Variants in DCP1A observed in about 807,000 individuals in gnomAD.
DCP1A encodes mRNA-decapping enzyme 1A.
A neutral mutation model predicts 58.0 loss-of-function variants in DCP1A; 20 were observed. That is an observed-to-expected ratio of 0.34 (90% CI 0.24 to 0.50). The LOEUF is 0.50. Ranked by LOEUF, DCP1A falls within the 20% of genes least tolerant of loss-of-function variation. The pLI is 0.98. For missense variants in DCP1A, 613 were observed against 712.2 expected (o/e 0.86, Z 1.59); for synonymous variants, 285 against 275.1 (o/e 1.04, Z -0.36).
intron 3 of DCP1A, among the ~76,000 whole-genome samples, chr3:53,321,528 T>C (rs1350979596): frequency 6.6e-6 from 1 of 152,190 alleles, no homozygotes; most frequent in Admixed American, 6.5e-5. Context: ...GAGACCAGCC[T>C]GGCCAACATG....
chr3:53,293,624 C>G (rs1295551391), intron 6 of DCP1A, among the ~76,000 whole-genome samples: 1 of 151,970 alleles, frequency 6.6e-6, no homozygotes, highest in Non-Finnish European at 1.5e-5. Context: ...ACTTTTTATT[C>G]CTAAAATGAG....
chr3:53,319,259 G>T, intron 4 of DCP1A, 148 bp downstream of exon 4: 1 of 537,666 alleles, frequency 1.9e-6, no homozygotes, highest in Non-Finnish European at 3.4e-6. Context: ...ATATTTTAAA[G>T]CTTTTCAGCC....
rs782438313 is a variant in DCP1A at position 53,290,792 on chromosome 3, G to A, written c.1448C>T (p.Pro483Leu). The A allele has an allele frequency of 2.3e-4, 347 of 1,528,468 alleles. 2 individuals carry two copies. The highest frequency in any genetic ancestry group is 3.0e-4 in the Non-Finnish European group (337 of 1,116,140). The allele number at this position is 1,528,468 out of a possible 1,614,324, so 94.7% of individuals were successfully genotyped here. ...AAAAAAAAAAAAGCGAGTCCTTACC[G>A]GGATGGCACTGGATAACACCTTAGG... ...VQPKVLSSAI[P>L]VAGAPLVTAT... Residue 483 changes from proline to leucine, a missense_variant and splice_region_variant, in exon 8 of 10, where the codon CCG (proline) becomes CTG (leucine). Pro to Leu is a moderately conservative substitution (Grantham distance 98). Coordinates refer to ENST00000610213, the MANE Select transcript of DCP1A (RefSeq NM_018403.7).
In DCP1A at chr3:53,284,480, C is replaced by T. The variant is rs887337303; in HGVS notation, c.*3100G>A. 6.8e-6 allele frequency: 1 copy of T among 146,890 alleles called. No individual in the cohort carries two copies. Among genetic ancestry groups the T allele is most frequent in the Non-Finnish European group, 1.5e-5 (1 of 67,028 alleles). 9.1% of individuals were successfully genotyped at this position (146,890 alleles called of 1,614,324 possible). A position where few individuals can be genotyped will look rare whatever the true frequency, so the allele number is the denominator to read the frequency against. ...CATGCAAAATCTGGTTAGACATATACTAAACTAAGCCTGTGTGTCCCCCTG... is the reference window on the plus strand; with the variant it reads ...CATGCAAAATCTGGTTAGACATATATTAAACTAAGCCTGTGTGTCCCCCTG... On this transcript the variant is annotated 3_prime_UTR_variant, in exon 10 of 10. Coordinates refer to ENST00000610213, the MANE Select transcript of DCP1A (RefSeq NM_018403.7).
At position 53,283,712 on chromosome 3, in the gene DCP1A, C is replaced by T. The variant is rs1161989416; in HGVS notation, c.*3868G>A. The T allele has an allele frequency of 6.6e-6, 1 of 152,096 alleles. No homozygotes were observed. The highest frequency in any genetic ancestry group is 2.4e-5 in the African/African-American group (1 of 41,410). The allele number at this position is 152,096 out of a possible 1,614,324, so 9.4% of individuals were successfully genotyped here. On this transcript the variant is annotated 3_prime_UTR_variant, in exon 10 of 10. Coordinates refer to ENST00000610213, the MANE Select transcript of DCP1A (RefSeq NM_018403.7). ...GAGCCACATGGCCAAAGCAGTAATA[C>T]AGAATAAAAAACCATTTAGAACACA...
chr3:53,331,148 C>T lies in DCP1A; in HGVS notation c.304+10996G>A, dbSNP rs374051561. On this transcript the variant is annotated intron_variant, in intron 3 of 9. Transcript: ENST00000610213. Reference sequence around the variant, plus strand: ...CTGGGATTATAGGCATGAGTCACTGCGCCTGGCCCAAAATGCAATATTGAA... The same window carrying T: ...CTGGGATTATAGGCATGAGTCACTGTGCCTGGCCCAAAATGCAATATTGAA... Among the ~76,000 whole-genome samples, 31 of 152,228 alleles carry T rather than the reference C, an allele frequency of 2.0e-4. 1 individual carries two copies. The highest frequency in any genetic ancestry group is 7.2e-4 in the African/African-American group (30 of 41,534).
intron 1 of DCP1A, 128 bp downstream of exon 1, chr3:53,347,255 C>T: frequency 8.2e-7 from 1 of 1,220,416 alleles, no homozygotes; most frequent in Non-Finnish European, 1.1e-6. Context: ...AGGCTCTTGG[C>T]CAGACCCTGG....
intron 3 of DCP1A, among the ~76,000 whole-genome samples, chr3:53,340,640 C>T (rs2089188617): frequency 6.6e-6 from 1 of 150,662 alleles, no homozygotes; most frequent in Non-Finnish European, 1.5e-5. Context: ...CAACATTTCT[C>T]CAACTATATC....
At chr3:53,322,822 T>TC (rs1229082892) in intron 3 of DCP1A, among the ~76,000 whole-genome samples, 1 of 151,206 alleles carries the variant, frequency 6.6e-6, no homozygotes, top group East Asian at 1.9e-4. Flanking sequence ...GCTTTTTTTT[T>TC]TTTTTTTGAG....
At chr3:53,295,474 GA>G (rs112694751) in intron 6 of DCP1A, among the ~76,000 whole-genome samples, 25,192 of 152,072 alleles carry the variant, frequency 0.17, 2,566 homozygotes, top group Middle Eastern at 0.29. Flanking sequence ...TTTTACTTCT[GA>G]AAAAAACTGT....
rs1224196239 is a variant in DCP1A, at chr3:53,286,535, A to T, written c.*1045T>A. On this transcript the variant is annotated 3_prime_UTR_variant, in exon 10 of 10. Coordinates refer to ENST00000610213, the MANE Select transcript of DCP1A (RefSeq NM_018403.7). ...CACACTTTGGGCCGGGAAAGTACTC[A>T]CAGCCTAGGAATACATTGGTAGAGT... 6.6e-6 allele frequency: 1 copy of T among 152,244 alleles called. No individual in the cohort carries two copies. Among genetic ancestry groups the T allele is most frequent in the East Asian group, 1.9e-4 (1 of 5,200 alleles). The allele number at this position is 152,244 out of a possible 1,614,324, so 9.4% of individuals were successfully genotyped here. A position where few individuals can be genotyped will look rare whatever the true frequency, so the allele number is the denominator to read the frequency against.
intron 6 of DCP1A, among the ~76,000 whole-genome samples, chr3:53,301,949 C>A (rs1308338651): frequency 1.3e-5 from 2 of 151,958 alleles, no homozygotes; most frequent in South Asian, 2.1e-4. Context: ...TAAACGATGG[C>A]GGGATCGGGG....
chr3:53,292,497 T>C lies in DCP1A; in HGVS notation c.955A>G (p.Ser319Gly), dbSNP rs782544282. ...TYTIPLSPVLSPTLPAEAPTA... is the reference protein window; with the variant it reads ...TYTIPLSPVLGPTLPAEAPTA... ...GGAGCTTCAGCTGGCAGAGTGGGAC[T>C]GAGAACAGGGCTCAACGGGATTGTG... The change falls in exon 7 of 10, where the codon AGT becomes GGT. Residue 319 changes from serine to glycine, a missense_variant. By Grantham distance (56) the Ser-to-Gly change is moderately conservative. Coordinates refer to ENST00000610213, the MANE Select transcript of DCP1A (RefSeq NM_018403.7). 6.2e-7 allele frequency: 1 copy of C among 1,614,006 alleles called. No individual in the cohort carries two copies. The highest frequency in any genetic ancestry group is 1.1e-5 in the South Asian group (1 of 91,084).
chr3:53,294,583 T>C (rs1340640412), intron 6 of DCP1A, among the ~76,000 whole-genome samples: 3 of 152,194 alleles, frequency 2.0e-5, no homozygotes, highest in Non-Finnish European at 2.9e-5. Context: ...AAGATGGTAA[T>C]ACAAGTCAAG....
chr3:53,341,333 T>C (rs1231991822), intron 3 of DCP1A, among the ~76,000 whole-genome samples: 1 of 151,992 alleles, frequency 6.6e-6, no homozygotes, highest in Non-Finnish European at 1.5e-5. Context: ...CGGGTGCCTG[T>C]AGTCCCAGCT....
intron 5 of DCP1A, among the ~76,000 whole-genome samples, chr3:53,309,866 A>C (rs1289727090): frequency 1.3e-5 from 2 of 152,250 alleles, no homozygotes; most frequent in Admixed American, 6.5e-5. Flanking sequence ...ATCAGGATTA[A>C]ATCCCAACAC....
chr3:53,293,434 C>T (rs1158395754), intron 6 of DCP1A, among the ~76,000 whole-genome samples: 1 of 152,054 alleles, frequency 6.6e-6, no homozygotes, highest in Non-Finnish European at 1.5e-5. Flanking sequence ...TCGTGTTTTC[C>T]TGTACTTTTA....
intron 3 of DCP1A, among the ~76,000 whole-genome samples, chr3:53,324,054 C>T (rs570507084): frequency 4.2e-4 from 64 of 152,208 alleles, no homozygotes; most frequent in Non-Finnish European, 7.1e-4. Flanking sequence ...TTTTGAAAAA[C>T]CTTCATTTAA....
chr3:53,301,993 T>C (rs1364369979), intron 6 of DCP1A, among the ~76,000 whole-genome samples: 1 of 152,136 alleles, frequency 6.6e-6, no homozygotes, highest in African/African-American at 2.4e-5. Flanking sequence ...GAATAGGGTA[T>C]GACAGGGAAG....
Sources: allele counts gnomAD v4.1 joint callset (sites outside exome capture counted in the v4.1 genomes callset), GRCh38; gene constraint gnomAD v4.1.1; transcripts MANE v1.5; gene names NCBI Gene and HGNC (gene_info 2026-07-23, HGNC 2026-07-21).